The following PPP2R5E variants were observed in gnomAD, a reference collection of about 807,000 sequenced individuals.
The protein encoded by PPP2R5E is protein phosphatase 2 regulatory subunit B'epsilon.
A neutral mutation model predicts 65.3 loss-of-function variants in PPP2R5E; 4 were observed. The observed-to-expected ratio is 0.06, with a 90% CI of 0.03 to 0.14. PPP2R5E has a LOEUF of 0.14. Among genes scored for constraint, PPP2R5E ranks in the 10% least tolerant of loss-of-function variants. PPP2R5E has a pLI of 1.00. For missense variants in PPP2R5E, 274 were observed against 556.1 expected, an observed-to-expected ratio of 0.49 and a Z score of 5.10; for synonymous variants, 183 against 187.4, an observed-to-expected ratio of 0.98 and a Z score of 0.19.
At chr14:63,442,695 ATAAAT>A in intron 3 of PPP2R5E, among the ~76,000 whole-genome samples, 1 of 152,350 alleles carries the variant, frequency 6.6e-6, no homozygotes, top group East Asian at 1.9e-4. Context: ...TGACTAATTT[ATAAAT>A]TAAACTTTAT....
At chr14:63,416,966 T>C (rs986094148) in intron 4 of PPP2R5E, among the ~76,000 whole-genome samples, 12 of 152,222 alleles carry the variant, frequency 7.9e-5, no homozygotes, top group African/African-American at 1.9e-4. Flanking sequence ...ATTGTAGATA[T>C]TCTTCTTTGA....
At chr14:63,421,251 C>A (rs926815044) in intron 4 of PPP2R5E, among the ~76,000 whole-genome samples, 1 of 151,990 alleles carries the variant, frequency 6.6e-6, no homozygotes, top group Non-Finnish European at 1.5e-5. Context: ...CTTTGGGGTT[C>A]AACATGTACA....
At chr14:63,506,460 A>G (rs1892183989) in intron 2 of PPP2R5E, among the ~76,000 whole-genome samples, 1 of 152,110 alleles carries the variant, frequency 6.6e-6, no homozygotes, top group Non-Finnish European at 1.5e-5. Context: ...CAAAAAAGAA[A>G]AAAGTAATAA....
chr14:63,401,356 T>A lies in PPP2R5E; in HGVS notation c.550-4640A>T, dbSNP rs117796846. ...ATATAATCCCACACCTGTAAATGCC[T>A]AAGTGGACTGTGCCATCCCTAATAT... On this transcript the variant is annotated intron_variant, in intron 5 of 13. Transcript: ENST00000337537. Among the ~76,000 whole-genome samples the A allele has an allele frequency of 5.5e-3, 831 of 152,274 alleles. 55 individuals are homozygous for A. In the East Asian group the frequency reaches 0.14, roughly 25 times the overall value.
rs1044524716 is a variant in PPP2R5E, at chr14:63,371,695, A to G, written c.*4314T>C. ...TTTCATATGCAACTTTTCATATCAA[A>G]AATGTTTCATTTTTACCTCTACTCA... On this transcript the variant is annotated 3_prime_UTR_variant, in exon 14 of 14. Coordinates refer to ENST00000337537, the MANE Select transcript of PPP2R5E (RefSeq NM_006246.5). 1 of 152,116 alleles carries G rather than the reference A, an allele frequency of 6.6e-6. No individual in the cohort carries two copies. The highest frequency in any genetic ancestry group is 1.5e-5 in the Non-Finnish European group (1 of 68,024). 9.4% of individuals were successfully genotyped at this position (152,116 alleles called of 1,614,324 possible).
chr14:63,500,281 G>A (rs570449246), intron 2 of PPP2R5E, among the ~76,000 whole-genome samples: 16 of 152,060 alleles, frequency 1.1e-4, no homozygotes, highest in Admixed American at 7.9e-4. Flanking sequence ...AGAAACCGAC[G>A]CCCTAGATTT....
intron 2 of PPP2R5E, among the ~76,000 whole-genome samples, chr14:63,481,255 G>A (rs552587755): frequency 6.6e-6 from 1 of 152,220 alleles, no homozygotes; most frequent in South Asian, 2.1e-4. Flanking sequence ...CCAACACTTT[G>A]GGAGGCCGAG....
chr14:63,523,122 C>T (rs1566761532), intron 2 of PPP2R5E, among the ~76,000 whole-genome samples: 3 of 147,592 alleles, frequency 2.0e-5, no homozygotes, highest in South Asian at 2.1e-4. Flanking sequence ...CAGCCCCTTC[C>T]GGGAAGTGGG....
At chr14:63,468,203 A>C (rs901876919) in intron 2 of PPP2R5E, among the ~76,000 whole-genome samples, 1 of 152,232 alleles carries the variant, frequency 6.6e-6, no homozygotes, top group Non-Finnish European at 1.5e-5. Context: ...TAAGACACAG[A>C]ATGTTTACTG....
chr14:63,487,545 A>G (rs781721400), intron 2 of PPP2R5E, among the ~76,000 whole-genome samples: 1 of 152,194 alleles, frequency 6.6e-6, no homozygotes. Flanking sequence ...GGCATTTCGA[A>G]ATCAATCTAA....
chr14:63,539,729 C>A, intron 1 of PPP2R5E, 37 bp from the exon 2 acceptor site: 1 of 1,567,140 alleles, frequency 6.4e-7, no homozygotes, highest in Non-Finnish European at 8.7e-7. Flanking sequence ...CATACATTCC[C>A]AAGGTGGAAG....
chr14:63,430,252 G>A (rs1039600696), intron 3 of PPP2R5E, among the ~76,000 whole-genome samples: 24 of 151,916 alleles, frequency 1.6e-4, no homozygotes, highest in Non-Finnish European at 1.9e-4. Context: ...AGTGGCTCAC[G>A]CCTGTAATCC....
intron 2 of PPP2R5E, among the ~76,000 whole-genome samples, chr14:63,457,098 A>G (rs183710196): frequency 3.9e-5 from 6 of 152,316 alleles, no homozygotes; most frequent in Non-Finnish European, 8.8e-5. Context: ...GGTTCTTCAT[A>G]TAATGTCTGG....
At chr14:63,432,071 C>T (rs976743805) in intron 3 of PPP2R5E, among the ~76,000 whole-genome samples, 34 of 150,636 alleles carry the variant, frequency 2.3e-4, no homozygotes, top group Non-Finnish European at 1.6e-4. Flanking sequence ...ACTTATAATA[C>T]CCAATTAGAA....
intron 2 of PPP2R5E, among the ~76,000 whole-genome samples, chr14:63,474,673 C>CAAAAAA (rs1157357885): frequency 3.6e-5 from 1 of 27,728 alleles, no homozygotes; most frequent in Non-Finnish European, 7.5e-5. Flanking sequence ...TACCCCATCT[C>CAAAAAA]AAAAAAAAAA....
chr14:63,542,524 G>C (rs1181714485), intron 1 of PPP2R5E, among the ~76,000 whole-genome samples: 1 of 152,132 alleles, frequency 6.6e-6, no homozygotes, highest in Non-Finnish European at 1.5e-5. Flanking sequence ...GATAAAGGGG[G>C]GCAAGAAAAC....
At chr14:63,458,628 T>G (rs1889278149) in intron 2 of PPP2R5E, among the ~76,000 whole-genome samples, 1 of 152,140 alleles carries the variant, frequency 6.6e-6, no homozygotes, top group Non-Finnish European at 1.5e-5. Flanking sequence ...AAAAATAAGT[T>G]AATAAAGAAA....
chr14:63,529,314 C>CA (rs1368234561), intron 2 of PPP2R5E, among the ~76,000 whole-genome samples: 1 of 151,646 alleles, frequency 6.6e-6, no homozygotes, highest in Non-Finnish European at 1.5e-5. Flanking sequence ...CTCAGCCTCC[C>CA]AAAGTGCTGG....
At chr14:63,457,136 C>T (rs1889164948) in intron 2 of PPP2R5E, among the ~76,000 whole-genome samples, 1 of 152,180 alleles carries the variant, frequency 6.6e-6, no homozygotes, top group Admixed American at 6.5e-5. Flanking sequence ...ATAGCTAATA[C>T]TGCTCCCAAT....
Sources: gnomAD v4.1 joint callset for allele counts (sites outside exome capture counted in the v4.1 genomes callset) on GRCh38, gnomAD v4.1.1 for gene constraint, MANE v1.5 for transcripts, NCBI Gene and HGNC (gene_info 2026-07-23, HGNC 2026-07-21) for gene names.